CACNA1C: variants seen among roughly 807,000 people sequenced by gnomAD.
CACNA1C encodes the protein voltage-dependent L-type calcium channel subunit alpha-1C.
In CACNA1C, 30 loss-of-function variants were observed where a neutral mutation model predicts 229.0. That is an observed-to-expected ratio of 0.13 (90% CI 0.10 to 0.18). The LOEUF is 0.18. CACNA1C is among the 10% of genes least tolerant of loss of function. The pLI is 1.00. For synonymous variants in CACNA1C, 1,114 were observed against 1,132.5 expected (o/e 0.98, Z 0.33); for missense variants, 1,658 against 2,845.0 (o/e 0.58, Z 9.49).
In CACNA1C at chr12:2,473,891, G is replaced by A. The variant is rs12303714; in HGVS notation, c.758-12213G>A. On this transcript the variant is annotated intron_variant, in intron 5 of 46. Transcript: ENST00000399655. ...AATAAGTAAGTATGTGACCCTAAGA[G>A]CATTTTGTTCGAGTTACATAGAAAG... Among the ~76,000 whole-genome samples, 590 of 152,308 alleles carry A rather than the reference G, an allele frequency of 3.9e-3. 3 individuals are homozygous for A. Among genetic ancestry groups the A allele is most frequent in the African/African-American group, 0.013 (549 of 41,558 alleles).
intron 13 of CACNA1C, among the ~76,000 whole-genome samples, chr12:2,569,594 G>A (rs992810916): frequency 6.6e-6 from 1 of 152,112 alleles, no homozygotes; most frequent in Non-Finnish European, 1.5e-5. Context: ...ATGTTTTCAA[G>A]GGCCATCCAT....
At chr12:2,080,494 G>C (rs1276094374) in intron 1 of CACNA1C, among the ~76,000 whole-genome samples, 3 of 151,858 alleles carry the variant, frequency 2.0e-5, no homozygotes, top group Non-Finnish European at 2.9e-5. Context: ...CCAGCTACTT[G>C]GGAGGCTGAG....
Position 2,344,581 on chromosome 12 carries a change from C to G in CACNA1C, c.478-104395C>G, listed in dbSNP as rs192980644. Reference sequence around the variant, plus strand: ...AATGTGAAGATACATGGCCCAAAACCTCCTCCCTCAATAGTGTCTTGAGTG... The same window carrying G: ...AATGTGAAGATACATGGCCCAAAACGTCCTCCCTCAATAGTGTCTTGAGTG... On this transcript the variant is annotated intron_variant, in intron 3 of 46. Coordinates refer to ENST00000399655, the MANE Select transcript of CACNA1C (RefSeq NM_000719.7). Among the ~76,000 whole-genome samples the G allele has an allele frequency of 2.9e-3, 445 of 152,224 alleles. 3 individuals are homozygous for G. Among genetic ancestry groups the G allele is most frequent in the African/African-American group, 0.01 (417 of 41,516 alleles).
intron 3 of CACNA1C, among the ~76,000 whole-genome samples, chr12:2,322,265 C>A (rs954350936): frequency 1.2e-4 from 19 of 152,282 alleles, no homozygotes; most frequent in Non-Finnish European, 2.8e-4. Context: ...GGCACTGGAG[C>A]CACCCCCAGA....
chr12:2,625,691 C>G (rs1421365776), intron 29 of CACNA1C, among the ~76,000 whole-genome samples: 1 of 151,978 alleles, frequency 6.6e-6, no homozygotes, highest in African/African-American at 2.4e-5. Flanking sequence ...TGGCTCACAC[C>G]TGTAATCCCA....
At chr12:1,986,311 C>T (rs180825341) in intron 1 of CACNA1C, among the ~76,000 whole-genome samples, 3 of 152,348 alleles carry the variant, frequency 2.0e-5, no homozygotes, top group East Asian at 1.9e-4. Flanking sequence ...ATCCAGCTCC[C>T]TCCTCTAGAA....
At chr12:2,622,161 GAAGA>G (rs1436133460) in intron 29 of CACNA1C, among the ~76,000 whole-genome samples, 1 of 152,202 alleles carries the variant, frequency 6.6e-6, no homozygotes, top group East Asian at 1.9e-4. Context: ...CAGCTGCGGA[GAAGA>G]AAGAAACGGT....
At chr12:2,283,894 A>G (rs1428575863) in intron 3 of CACNA1C, among the ~76,000 whole-genome samples, 2 of 152,194 alleles carry the variant, frequency 1.3e-5, no homozygotes, top group Non-Finnish European at 2.9e-5. Context: ...ATGTTAGCAG[A>G]TATTAGATAT....
chr12:2,435,504 G>A, intron 3 of CACNA1C, among the ~76,000 whole-genome samples: 1 of 152,204 alleles, frequency 6.6e-6, no homozygotes, highest in East Asian at 1.9e-4. Context: ...AAGGTGTCCT[G>A]GTGGGTGCTG....
chr12:2,450,933 G>A (rs370468785), intron 4 of CACNA1C, among the ~76,000 whole-genome samples: 7 of 152,294 alleles, frequency 4.6e-5, no homozygotes, highest in South Asian at 4.1e-4. Flanking sequence ...GGAGGACGTC[G>A]AGATCATTTG....
chr12:2,420,941 T>C (rs2098972476), intron 3 of CACNA1C, among the ~76,000 whole-genome samples: 1 of 152,234 alleles, frequency 6.6e-6, no homozygotes, highest in African/African-American at 2.4e-5. Context: ...CCTTTATCTC[T>C]TCTAATGGTA....
chr12:2,463,285 G>A (rs1347081351), intron 5 of CACNA1C, among the ~76,000 whole-genome samples: 2 of 152,164 alleles, frequency 1.3e-5, no homozygotes, highest in African/African-American at 4.8e-5. Context: ...TATGGAAATA[G>A]ATGATTGCGA....
At position 2,053,437 on chromosome 12, in the gene CACNA1C, G is replaced by A; in HGVS notation, c.-126G>A. The A allele has an allele frequency of 6.9e-7, 1 of 1,456,718 alleles. No individual in the cohort carries two copies. The highest frequency in any genetic ancestry group is 1.4e-5 in the South Asian group (1 of 69,240). The allele number at this position is 1,456,718 out of a possible 1,614,324, so 90.2% of individuals were successfully genotyped here. ...GGGAAGAAGAAACGCTGCAGACCAC[G>A]GCTTCCTCGAATCTTGCGCGAAAGC... On this transcript the variant is annotated 5_prime_UTR_variant, in exon 1 of 47. Coordinates refer to ENST00000399655, the MANE Select transcript of CACNA1C (RefSeq NM_000719.7). The surrounding 1 kb of genome is among the most constrained non-coding windows in gnomAD (Gnocchi z 5.8).
chr12:2,033,818 G>T (rs1280660757), intron 1 of CACNA1C, among the ~76,000 whole-genome samples: 2 of 152,236 alleles, frequency 1.3e-5, no homozygotes, highest in Non-Finnish European at 1.5e-5. Context: ...TAGGCACCGT[G>T]AATAGATGTC....
rs374008647 is a variant in CACNA1C, at chr12:2,067,246, G to A, written c.49+13635G>A. Among the ~76,000 whole-genome samples, 1 of 152,104 alleles carries A rather than the reference G, an allele frequency of 6.6e-6. No individual in the cohort carries two copies. Among genetic ancestry groups the A allele is most frequent in the Non-Finnish European group, 1.5e-5 (1 of 68,012 alleles). Reference sequence around the variant, plus strand: ...ATGCATCGTTTTAGTGGGAGTCAGGGAGTCTGAATCCCCCAGCCTGCCTCC... The same window carrying A: ...ATGCATCGTTTTAGTGGGAGTCAGGAAGTCTGAATCCCCCAGCCTGCCTCC... On this transcript the variant is annotated intron_variant, in intron 1 of 46. Transcript: ENST00000399655. This position sits in a 1 kb window ranked among gnomAD's most constrained non-coding sequence, Gnocchi z 5.3.
At chr12:2,031,219 G>A (rs529234472) in intron 1 of CACNA1C, among the ~76,000 whole-genome samples, 4 of 152,292 alleles carry the variant, frequency 2.6e-5, no homozygotes, top group East Asian at 1.9e-4. Context: ...CGAATTGGAG[G>A]GTCCAATCAC....
At chr12:2,434,919 T>G (rs906245271) in intron 3 of CACNA1C, among the ~76,000 whole-genome samples, 6 of 152,340 alleles carry the variant, frequency 3.9e-5, no homozygotes, top group Admixed American at 1.3e-4. Context: ...TCATATTTAT[T>G]TCCTAAAACA....
chr12:2,436,891 TTC>T (rs2154559764), intron 3 of CACNA1C, among the ~76,000 whole-genome samples: 1 of 152,352 alleles, frequency 6.6e-6, no homozygotes, highest in South Asian at 2.1e-4. Flanking sequence ...TTCCCACCTT[TTC>T]TCTTTGCCCA....
intron 3 of CACNA1C, among the ~76,000 whole-genome samples, chr12:2,250,824 A>G (rs552716182): frequency 2.6e-5 from 4 of 152,226 alleles, no homozygotes; most frequent in African/African-American, 9.6e-5. Context: ...AGTGGAGATG[A>G]CGACAAGCCA....
Sources: allele counts gnomAD v4.1 joint callset (sites outside exome capture counted in the v4.1 genomes callset), GRCh38; gene constraint gnomAD v4.1.1; non-coding constraint Gnocchi (gnomAD v3.1); transcripts MANE v1.5; gene names NCBI Gene and HGNC (gene_info 2026-07-23, HGNC 2026-07-21).